Variants in LGR4 observed in about 807,000 individuals in gnomAD.
LGR4 encodes leucine-rich repeat-containing G protein-coupled receptor 4.
LGR4 carries 44 observed loss-of-function variants against 84.8 expected under a neutral mutation model. The observed-to-expected ratio is 0.52, with a 90% CI of 0.41 to 0.67. The LOEUF (loss-of-function observed/expected upper bound fraction) is 0.67. Among genes scored for constraint, LGR4 ranks in the 30% least tolerant of loss-of-function variants. The pLI, the probability that LGR4 is intolerant of heterozygous loss-of-function variation, is 0.00. For synonymous variants in LGR4, 429 were observed against 434.3 expected (o/e 0.99, Z 0.15); for missense variants, 1,032 against 1,131.4 (o/e 0.91, Z 1.26).
At position 27,444,853 on chromosome 11, in the gene LGR4, C is replaced by A. The variant is rs115814229; in HGVS notation, c.185+27265G>T. Among the ~76,000 whole-genome samples, 1,257 of 152,272 alleles carry A rather than the reference C, an allele frequency of 8.3e-3. 25 individuals carry two copies. The highest frequency in any genetic ancestry group is 0.026 in the African/African-American group (1,096 of 41,538). On this transcript the variant is annotated intron_variant, in intron 1 of 17. Coordinates refer to ENST00000379214, the MANE Select transcript of LGR4 (RefSeq NM_018490.5). ...TCTTCCCTCCCCCTCTCACAAGTAT[C>A]CTGAGTGACAGCTTAATGTGACAGC...
In LGR4 at chr11:27,367,439, AC is replaced by A. The variant is rs1862787424; in HGVS notation, c.*427del. ...AAGTTGTCCTGAGATTAAGGATGAAACATTAGGTAAAATTAGCAAGATATTT... is the reference window on the plus strand; with the variant it reads ...AAGTTGTCCTGAGATTAAGGATGAAAATTAGGTAAAATTAGCAAGATATTT... On this transcript the variant is annotated 3_prime_UTR_variant, in exon 18 of 18. Transcript: ENST00000379214. The A allele has an allele frequency of 6.5e-6, 1 of 154,712 alleles. No homozygotes were observed. Among genetic ancestry groups the A allele is most frequent in the South Asian group, 2.0e-4 (1 of 4,960 alleles). The allele number at this position is 154,712 out of a possible 1,614,324, so 9.6% of individuals were successfully genotyped here.
At chr11:27,469,382 T>C (rs1029157226) in intron 1 of LGR4, among the ~76,000 whole-genome samples, 1 of 152,318 alleles carries the variant, frequency 6.6e-6, no homozygotes, top group South Asian at 2.1e-4. Flanking sequence ...GAAAATCCCC[T>C]GTGGGAATGG....
intron 1 of LGR4, among the ~76,000 whole-genome samples, chr11:27,423,922 G>GA (rs1863971015): frequency 6.6e-6 from 1 of 152,046 alleles, no homozygotes. Context: ...TGCTTAATAA[G>GA]AAAAAACAGA....
chr11:27,436,384 AGGATGG>A (rs1323605022), intron 1 of LGR4, among the ~76,000 whole-genome samples: 2 of 129,408 alleles, frequency 1.5e-5, no homozygotes, highest in Admixed American at 8.1e-5. Flanking sequence ...AGAGAGAGAG[AGGATGG>A]GAGGGGAGGG....
chr11:27,449,308 C>T (rs775209595), intron 1 of LGR4, among the ~76,000 whole-genome samples: 3 of 152,210 alleles, frequency 2.0e-5, no homozygotes, highest in East Asian at 1.9e-4. Flanking sequence ...GTCAGCCAGG[C>T]GAGATGGCTC....
chr11:27,387,944 T>C (rs1445518014), intron 4 of LGR4, among the ~76,000 whole-genome samples: 1 of 152,168 alleles, frequency 6.6e-6, no homozygotes, highest in African/African-American at 2.4e-5. Flanking sequence ...TTGTGAATTC[T>C]GTGTCATCAA....
intron 1 of LGR4, among the ~76,000 whole-genome samples, chr11:27,448,617 T>C (rs1565097096): frequency 6.6e-6 from 1 of 152,216 alleles, no homozygotes; most frequent in Non-Finnish European, 1.5e-5. Context: ...CTGAAAAGAA[T>C]GTATGGAAAC....
intron 1 of LGR4, among the ~76,000 whole-genome samples, chr11:27,446,616 G>A (rs1389299150): frequency 6.6e-6 from 1 of 152,192 alleles, no homozygotes; most frequent in African/African-American, 2.4e-5. Context: ...CCATTGTGGA[G>A]GACAATGTGG....
chr11:27,436,923 G>A (rs573197869), intron 1 of LGR4, among the ~76,000 whole-genome samples: 16 of 152,212 alleles, frequency 1.1e-4, no homozygotes, highest in African/African-American at 3.6e-4. Flanking sequence ...GGTGTTGAAG[G>A]GAGATGGAGG....
In LGR4 at chr11:27,457,273, A is replaced by T. The variant is rs72889555; in HGVS notation, c.185+14845T>A. ...ATTCTTCACTAAATATCCATTTTTT[A>T]AAAAAATCAGACATTCCAAATATGA... On this transcript the variant is annotated intron_variant, in intron 1 of 17. Coordinates refer to ENST00000379214, the MANE Select transcript of LGR4 (RefSeq NM_018490.5). Among the ~76,000 whole-genome samples, 1,214 of 152,260 alleles carry T rather than the reference A, an allele frequency of 8.0e-3. 11 individuals are homozygous for T. Among genetic ancestry groups the T allele is most frequent in the Middle Eastern group, 0.044 (13 of 294 alleles).
Position 27,367,844 on chromosome 11 carries a change from G to T in LGR4, c.*23C>A, listed in dbSNP as rs751203058. ...TAAACACTGATTTTGGTTGACGGGG[G>T]AAACGGTTACACACACAGTAGTTCA... On this transcript the variant is annotated 3_prime_UTR_variant, in exon 18 of 18. Transcript: ENST00000379214. 6.5e-7 allele frequency: 1 copy of T among 1,532,294 alleles called. No homozygotes were observed. The highest frequency in any genetic ancestry group is 2.2e-5 in the Admixed American group (1 of 45,866). 94.9% of individuals were successfully genotyped at this position (1,532,294 alleles called of 1,614,324 possible).
chr11:27,411,826 C>G (rs1169146653), intron 2 of LGR4, among the ~76,000 whole-genome samples: 1 of 152,082 alleles, frequency 6.6e-6, no homozygotes, highest in Non-Finnish European at 1.5e-5. Flanking sequence ...CTCCTGTTCC[C>G]CATTCTCTAG....
At chr11:27,439,769 G>A (rs983896197) in intron 1 of LGR4, among the ~76,000 whole-genome samples, 10 of 151,968 alleles carry the variant, frequency 6.6e-5, no homozygotes, top group Admixed American at 2.6e-4. Context: ...TTCCCTCCCT[G>A]TACCCTGGCC....
chr11:27,429,764 G>A (rs1013077041), intron 1 of LGR4, among the ~76,000 whole-genome samples: 4 of 152,158 alleles, frequency 2.6e-5, no homozygotes, highest in Admixed American at 6.5e-5. Context: ...ATTTCCTGAG[G>A]TGACTGGGCA....
chr11:27,471,110 C>T (rs1322912039), intron 1 of LGR4, among the ~76,000 whole-genome samples: 1 of 152,120 alleles, frequency 6.6e-6, no homozygotes, highest in Admixed American at 6.5e-5. Context: ...CACAAAAACC[C>T]TACCCTGTTC....
chr11:27,392,533 A>T lies in LGR4; in HGVS notation c.258-15T>A. On this transcript the variant is annotated splice_polypyrimidine_tract_variant and intron_variant, in intron 2 of 17. Coordinates refer to ENST00000379214, the MANE Select transcript of LGR4 (RefSeq NM_018490.5). ...CCGCCAATTGTCTAGAGAAAAAAAAAAAAAAAGTAGCAAGAAAAAAATAGT... is the reference window on the plus strand; with the variant it reads ...CCGCCAATTGTCTAGAGAAAAAAAATAAAAAAGTAGCAAGAAAAAAATAGT... 1.3e-6 allele frequency: 2 copies of T among 1,558,752 alleles called. No individual in the cohort carries two copies. Among genetic ancestry groups the T allele is most frequent in the Non-Finnish European group, 8.6e-7 (1 of 1,157,918 alleles).
chr11:27,413,232 A>T (rs562090993), intron 1 of LGR4, among the ~76,000 whole-genome samples: 2 of 152,198 alleles, frequency 1.3e-5, no homozygotes, highest in African/African-American at 4.8e-5. Flanking sequence ...CGATATGTAG[A>T]ATTTATAGGT....
chr11:27,392,415 C>T (rs777424624), intron 3 of LGR4, 32 bp downstream of exon 3: 2 of 1,489,800 alleles, frequency 1.3e-6, no homozygotes, highest in Non-Finnish European at 9.1e-7. Context: ...AATACACAGC[C>T]AGCTGTGAAA....
chr11:27,375,431 G>A (rs2133364486), intron 13 of LGR4, among the ~76,000 whole-genome samples: 1 of 152,288 alleles, frequency 6.6e-6, no homozygotes, highest in African/African-American at 2.4e-5. Context: ...AAGTGCTTAT[G>A]AGAGTACCTG....
Sources: allele counts gnomAD v4.1 joint callset (sites outside exome capture counted in the v4.1 genomes callset), GRCh38; gene constraint gnomAD v4.1.1; transcripts MANE v1.5; gene names NCBI Gene and HGNC (gene_info 2026-07-23, HGNC 2026-07-21).